GPHN: variants seen among roughly 807,000 people sequenced by gnomAD.
GPHN encodes gephyrin.
A neutral mutation model predicts 95.5 loss-of-function variants in GPHN; 17 were observed. That is an observed-to-expected ratio of 0.18 (90% CI 0.12 to 0.27). The LOEUF (loss-of-function observed/expected upper bound fraction) is 0.27. Among genes scored for constraint, GPHN ranks in the 10% least tolerant of loss-of-function variants. GPHN has a pLI of 1.00. For missense variants in GPHN, 660 were observed against 978.1 expected (o/e 0.67, Z 4.34); for synonymous variants, 320 against 322.5 (o/e 0.99, Z 0.08).
chr14:67,549,626 A>G, the GPHN span, among the ~76,000 whole-genome samples: 112 of 152,186 alleles, frequency 7.4e-4, 1 homozygote, highest in African/African-American at 2.5e-3. Context: ...CCTGCTCACC[A>G]TAGTATTTCT....
intron 11 of GPHN, among the ~76,000 whole-genome samples, chr14:67,062,611 A>AGG (rs1472609956): frequency 0.019 from 3 of 158 alleles, no homozygotes; most frequent in African/African-American, 0.06. Context: ...AAGGAATTTC[A>AGG]GAGTATAGTA....
At chr14:66,899,398 T>G (rs1485958472) in intron 5 of GPHN, among the ~76,000 whole-genome samples, 1 of 151,830 alleles carries the variant, frequency 6.6e-6, no homozygotes, top group Non-Finnish European at 1.5e-5. Context: ...GTTGTACATT[T>G]CTTATAAAAG....
At chr14:67,483,982 G>C in the GPHN span, among the ~76,000 whole-genome samples, 11 of 152,222 alleles carry the variant, frequency 7.2e-5, no homozygotes, top group African/African-American at 1.9e-4. Flanking sequence ...GAAAGCGAAG[G>C]ATGCCCTGCA....
intron 2 of GPHN, among the ~76,000 whole-genome samples, chr14:66,681,398 G>C (rs546107163): frequency 3.9e-5 from 6 of 152,138 alleles, no homozygotes; most frequent in Non-Finnish European, 8.8e-5. Flanking sequence ...TGATTTTCAA[G>C]GAGGAATCCT....
At chr14:67,718,451 T>A in the GPHN span, among the ~76,000 whole-genome samples, 1 of 152,144 alleles carries the variant, frequency 6.6e-6, no homozygotes, top group Non-Finnish European at 1.5e-5. Flanking sequence ...TGACCAAAGG[T>A]CAAATCAGCA....
chr14:67,256,580 C>T, the GPHN span, among the ~76,000 whole-genome samples: 5 of 152,144 alleles, frequency 3.3e-5, no homozygotes, highest in East Asian at 7.7e-4. Context: ...TGGAGTCTCG[C>T]TCTGTTGCCC....
chr14:67,345,147 T>G, the GPHN span, among the ~76,000 whole-genome samples: 1,235 of 151,104 alleles, frequency 8.2e-3, 11 homozygotes, highest in Non-Finnish European at 0.012. Context: ...GAGGCTGAGG[T>G]GGGCGGATCA....
At chr14:67,544,639 A>G in the GPHN span, among the ~76,000 whole-genome samples, 1 of 152,264 alleles carries the variant, frequency 6.6e-6, no homozygotes, top group African/African-American at 2.4e-5. Context: ...AAATGAAAGC[A>G]TAAGACAAGA....
chr14:67,630,568 T>C, the GPHN span, among the ~76,000 whole-genome samples: 1 of 152,142 alleles, frequency 6.6e-6, no homozygotes, highest in Non-Finnish European at 1.5e-5. Flanking sequence ...TTAGTAAATA[T>C]AGTTTTTATG....
chr14:66,514,851 G>A (rs912809013), intron 1 of GPHN, among the ~76,000 whole-genome samples: 2 of 151,860 alleles, frequency 1.3e-5, no homozygotes, highest in African/African-American at 4.8e-5. Context: ...TATAAATGTT[G>A]TCTATACCCT....
intron 1 of GPHN, among the ~76,000 whole-genome samples, chr14:66,595,293 T>G (rs1203105229): frequency 1.3e-5 from 2 of 152,214 alleles, no homozygotes; most frequent in Non-Finnish European, 2.9e-5. Flanking sequence ...AATTTTACTA[T>G]TTAGTGTATG....
intron 2 of GPHN, among the ~76,000 whole-genome samples, chr14:66,719,887 A>G (rs1043912933): frequency 6.6e-6 from 1 of 152,220 alleles, no homozygotes; most frequent in Non-Finnish European, 1.5e-5. Context: ...TTCAGGTACT[A>G]CTAGTGACCA....
At chr14:67,492,666 G>C in the GPHN span, among the ~76,000 whole-genome samples, 2 of 152,238 alleles carry the variant, frequency 1.3e-5, no homozygotes, top group Non-Finnish European at 2.9e-5. Context: ...CTTATGGTGT[G>C]ACAACAGGAC....
At chr14:67,372,202 A>G in the GPHN span, among the ~76,000 whole-genome samples, 1 of 152,246 alleles carries the variant, frequency 6.6e-6, no homozygotes. Flanking sequence ...CAGCTGATCA[A>G]AGAAAAAATT....
At chr14:67,343,716 A>T in the GPHN span, among the ~76,000 whole-genome samples, 2 of 152,228 alleles carry the variant, frequency 1.3e-5, no homozygotes, top group Non-Finnish European at 2.9e-5. Context: ...AATAAATTTT[A>T]AAAATTAGCT....
the GPHN span, chr14:67,620,169 A>G: frequency 2.9e-6 from 3 of 1,020,626 alleles, no homozygotes; most frequent in African/African-American, 3.4e-5. Context: ...GGTGCGGGGG[A>G]CCGGGAGGCG....
At chr14:67,340,354 A>T in the GPHN span, 1 of 1,121,958 alleles carries the variant, frequency 8.9e-7, no homozygotes, top group Non-Finnish European at 1.3e-6. Context: ...AATTCTAAAG[A>T]ACATAAACCA....
At chr14:67,497,868 A>G in the GPHN span, among the ~76,000 whole-genome samples, 1 of 151,986 alleles carries the variant, frequency 6.6e-6, no homozygotes, top group African/African-American at 2.4e-5. Flanking sequence ...GTCTATGTAA[A>G]GGTTCAAGCA....
the GPHN span, among the ~76,000 whole-genome samples, chr14:67,699,461 G>C: frequency 6.6e-6 from 1 of 151,650 alleles, no homozygotes. Context: ...GTACTGGTGT[G>C]TGCCTTTGGT....
Sources: gnomAD v4.1 joint callset for allele counts (sites outside exome capture counted in the v4.1 genomes callset) on GRCh38, gnomAD v4.1.1 for gene constraint, MANE v1.5 for transcripts, NCBI Gene and HGNC (gene_info 2026-07-23, HGNC 2026-07-21) for gene names.